The following EFNA5 variants were observed in gnomAD, a reference collection of about 807,000 sequenced individuals.
The protein encoded by EFNA5 is ephrin-A5.
In EFNA5, 5 loss-of-function variants were observed where a neutral mutation model predicts 22.9. The observed-to-expected ratio is 0.22, with a 90% confidence interval of 0.11 to 0.46. The LOEUF is 0.46. EFNA5 is among the 20% of genes least tolerant of loss of function. The pLI, the probability that EFNA5 is intolerant of heterozygous loss-of-function variation, is 0.99. For synonymous variants in EFNA5, 113 were observed against 112.2 expected, an observed-to-expected ratio of 1.01 and a Z score of -0.04; for missense variants, 237 against 293.3, an observed-to-expected ratio of 0.81 and a Z score of 1.40.
intron 1 of EFNA5, among the ~76,000 whole-genome samples, chr5:107,529,024 T>C (rs1747755822): frequency 6.6e-6 from 1 of 152,248 alleles, no homozygotes; most frequent in Admixed American, 6.5e-5. Flanking sequence ...CTTGGCCATT[T>C]ACAAAACTAA....
intron 1 of EFNA5, among the ~76,000 whole-genome samples, chr5:107,468,774 T>TAG (rs1406436911): frequency 6.7e-6 from 1 of 150,022 alleles, no homozygotes; most frequent in Middle Eastern, 3.2e-3. Context: ...ACATGTGATG[T>TAG]AGAAATAAAC....
At chr5:107,620,831 ATGT>A (rs1392910186) in intron 1 of EFNA5, among the ~76,000 whole-genome samples, 1 of 152,218 alleles carries the variant, frequency 6.6e-6, no homozygotes, top group African/African-American at 2.4e-5. Flanking sequence ...ATGGAGTTTT[ATGT>A]GCAAAACTTT....
chr5:107,666,316 T>A (rs564515863), intron 1 of EFNA5, among the ~76,000 whole-genome samples: 30 of 151,948 alleles, frequency 2.0e-4, no homozygotes, highest in African/African-American at 5.8e-4. Context: ...GGAATATGAT[T>A]AGGAAAAAAA....
chr5:107,636,410 C>A (rs1750374633), intron 1 of EFNA5, among the ~76,000 whole-genome samples: 1 of 152,148 alleles, frequency 6.6e-6, no homozygotes, highest in Admixed American at 6.5e-5. Flanking sequence ...AAATTCAATA[C>A]AAGAAAATGC....
intron 1 of EFNA5, among the ~76,000 whole-genome samples, chr5:107,554,298 T>C (rs1374185923): frequency 6.6e-6 from 1 of 152,186 alleles, no homozygotes; most frequent in Non-Finnish European, 1.5e-5. Flanking sequence ...CAGATGTATA[T>C]TAAAAGCACA....
At chr5:107,605,662 G>C (rs1410463591) in intron 1 of EFNA5, among the ~76,000 whole-genome samples, 2 of 150,746 alleles carry the variant, frequency 1.3e-5, no homozygotes, top group African/African-American at 4.9e-5. Context: ...GGGTGCAAAA[G>C]TGGTTCGTTG....
chr5:107,411,806 G>C (rs192156090), intron 2 of EFNA5, among the ~76,000 whole-genome samples: 4 of 152,152 alleles, frequency 2.6e-5, no homozygotes, highest in African/African-American at 9.7e-5. Context: ...GGCTGGGCTC[G>C]AGCGACTCTC....
intron 1 of EFNA5, among the ~76,000 whole-genome samples, chr5:107,635,213 C>T (rs532560106): frequency 2.6e-5 from 4 of 152,308 alleles, no homozygotes; most frequent in South Asian, 2.1e-4. Context: ...CAAATTGATA[C>T]GGCCAAAGTC....
At chr5:107,415,145 T>C (rs1748470574) in intron 2 of EFNA5, among the ~76,000 whole-genome samples, 1 of 152,142 alleles carries the variant, frequency 6.6e-6, no homozygotes, top group South Asian at 2.1e-4. Context: ...TAACAGTGCC[T>C]AACACGTACC....
At chr5:107,543,016 A>G (rs2112461668) in intron 1 of EFNA5, among the ~76,000 whole-genome samples, 1 of 152,344 alleles carries the variant, frequency 6.6e-6, no homozygotes, top group African/African-American at 2.4e-5. Context: ...GACCTCACCC[A>G]GGCCCATTTA....
chr5:107,517,158 TA>T (rs76124762), intron 1 of EFNA5, among the ~76,000 whole-genome samples: 1,492 of 135,798 alleles, frequency 0.011, 13 homozygotes, highest in African/African-American at 0.026. Context: ...ACACTGTTAC[TA>T]AAAAAAAAAA....
At chr5:107,650,494 TAACGC>T in intron 1 of EFNA5, among the ~76,000 whole-genome samples, 1 of 152,136 alleles carries the variant, frequency 6.6e-6, no homozygotes, top group Non-Finnish European at 1.5e-5. Context: ...GGACACAAAA[TAACGC>T]AGAGTCACTT....
At chr5:107,580,095 G>T (rs532157174) in intron 1 of EFNA5, among the ~76,000 whole-genome samples, 113 of 152,138 alleles carry the variant, frequency 7.4e-4, no homozygotes, top group African/African-American at 2.6e-3. Flanking sequence ...CACTTTTAAG[G>T]GTGCTTGACA....
chr5:107,459,562 G>A (rs756952076), intron 1 of EFNA5, among the ~76,000 whole-genome samples: 1 of 152,100 alleles, frequency 6.6e-6, no homozygotes, highest in Non-Finnish European at 1.5e-5. Context: ...TAACGGCAAA[G>A]CTCAGAGTAG....
chr5:107,390,578 G>A (rs895439603), intron 2 of EFNA5, among the ~76,000 whole-genome samples: 1 of 151,982 alleles, frequency 6.6e-6, no homozygotes, highest in African/African-American at 2.4e-5. Context: ...AACATGCCTC[G>A]TTTTTGTCAG....
At chr5:107,569,458 T>C (rs1748733134) in intron 1 of EFNA5, among the ~76,000 whole-genome samples, 1 of 141,166 alleles carries the variant, frequency 7.1e-6, no homozygotes, top group Non-Finnish European at 1.5e-5. Context: ...TGTGTGTGTA[T>C]ATATATTTAT....
intron 2 of EFNA5, among the ~76,000 whole-genome samples, chr5:107,414,193 G>T (rs148205366): frequency 1.3e-5 from 2 of 152,234 alleles, no homozygotes; most frequent in East Asian, 3.9e-4. Flanking sequence ...TGGGTTCCAA[G>T]AATTTGACTT....
intron 1 of EFNA5, among the ~76,000 whole-genome samples, chr5:107,482,846 CTCTCTCTCTCTCTCTCTCTCTCTCTATA>C (rs1750516010): frequency 1.4e-5 from 1 of 71,074 alleles, no homozygotes; most frequent in African/African-American, 5.8e-5. Context: ...CTCTCTCTCT[CTCTCTCTCTCTCTCTCTCTCTCTCTATA>C]TATATATATA....
At chr5:107,408,405 A>T (rs1748276038) in intron 2 of EFNA5, among the ~76,000 whole-genome samples, 1 of 152,214 alleles carries the variant, frequency 6.6e-6, no homozygotes, top group Non-Finnish European at 1.5e-5. Flanking sequence ...CTGAATTTTT[A>T]GAACAGACCA....
Sources: allele counts gnomAD v4.1 joint callset (sites outside exome capture counted in the v4.1 genomes callset), GRCh38; gene constraint gnomAD v4.1.1; transcripts MANE v1.5; gene names NCBI Gene and HGNC (gene_info 2026-07-23, HGNC 2026-07-21).